LAMP3: variants seen among roughly 807,000 people sequenced by gnomAD.
LAMP3 encodes lysosome-associated membrane glycoprotein 3.
In LAMP3, 26 loss-of-function variants were observed where a neutral mutation model predicts 34.8. That is an observed-to-expected ratio of 0.75 (90% confidence interval 0.55 to 1.04). The LOEUF (loss-of-function observed/expected upper bound fraction) is 1.04, where lower values mean the gene tolerates loss of function less well. Ranked by LOEUF, LAMP3 falls within the 50% of genes least tolerant of loss-of-function variation. The pLI is 0.00. For synonymous variants in LAMP3, 180 were observed against 201.9 expected (o/e 0.89, Z 0.92); for missense variants, 495 against 524.0 (o/e 0.94, Z 0.54).
At chr3:183,131,190 G>A (rs1209034106) in intron 5 of LAMP3, among the ~76,000 whole-genome samples, 1 of 152,288 alleles carries the variant, frequency 6.6e-6, no homozygotes, top group Admixed American at 6.5e-5. Flanking sequence ...AAGGTAGGGA[G>A]GAAAATTAAA....
Position 183,153,922 on chromosome 3 carries a change from C to G in LAMP3, c.519G>C (p.Ser173=), listed in dbSNP as rs763641775. ...CGGTTGTGCTTTTGTGCAGTGCTAT[C>G]GATAAAGTTGCTGGAAGGGTGGTCT... ...SNQTTLPATL[S]IALHKSTTGQ... Residue 173 remains serine, a synonymous_variant, in exon 2 of 6, where the codon TCG becomes TCC. Coordinates refer to ENST00000265598, the MANE Select transcript of LAMP3 (RefSeq NM_014398.4). 6 of 1,614,092 alleles carry G rather than the reference C, an allele frequency of 3.7e-6. No individual in the cohort carries two copies. The highest frequency in any genetic ancestry group is 3.3e-5 in the Admixed American group (2 of 60,016).
chr3:183,149,558 AAAAAAAAAAAAAAAAAATATAT>A (rs1479648735), intron 3 of LAMP3, among the ~76,000 whole-genome samples: 1 of 25,762 alleles, frequency 3.9e-5, no homozygotes, highest in East Asian at 1.1e-3. Flanking sequence ...AAAAAAAAAA[AAAAAAAAAAAAAAAAAATATAT>A]ATATATATAT....
At chr3:183,150,385 C>T (rs970301861) in intron 3 of LAMP3, among the ~76,000 whole-genome samples, 12 of 152,114 alleles carry the variant, frequency 7.9e-5, no homozygotes, top group African/African-American at 2.2e-4. Context: ...GTTTGCAGGT[C>T]TGCCTAAGGC....
At chr3:183,135,668 C>A in intron 5 of LAMP3, 49 bp downstream of exon 5, 1 of 1,547,552 alleles carries the variant, frequency 6.5e-7, no homozygotes, top group South Asian at 1.1e-5. Flanking sequence ...TGGATCTACC[C>A]TGGGGTCTCT....
intron 5 of LAMP3, among the ~76,000 whole-genome samples, chr3:183,129,519 C>T (rs1371998505): frequency 1.3e-5 from 2 of 152,048 alleles, no homozygotes; most frequent in Non-Finnish European, 2.9e-5. Context: ...GTCATTCTCT[C>T]TATGAAAATA....
chr3:183,157,233 CT>C (rs774186734), intron 1 of LAMP3, among the ~76,000 whole-genome samples: 2 of 151,874 alleles, frequency 1.3e-5, no homozygotes, highest in African/African-American at 4.8e-5. Context: ...CTTTAAGGGT[CT>C]TTTTTTTAAA....
At chr3:183,149,903 A>G (rs1405877270) in intron 3 of LAMP3, among the ~76,000 whole-genome samples, 1 of 152,162 alleles carries the variant, frequency 6.6e-6, no homozygotes, top group Non-Finnish European at 1.5e-5. Flanking sequence ...AAATTTAATA[A>G]AAAGTAAATG....
chr3:183,124,631 G>A (rs1373265025), intron 5 of LAMP3, among the ~76,000 whole-genome samples: 2 of 152,144 alleles, frequency 1.3e-5, no homozygotes, highest in Non-Finnish European at 2.9e-5. Flanking sequence ...TCGTGAGTTT[G>A]AGACCAGCCT....
chr3:183,146,521 A>AT (rs1449549024), intron 3 of LAMP3, among the ~76,000 whole-genome samples: 74 of 144,374 alleles, frequency 5.1e-4, no homozygotes, highest in African/African-American at 1.8e-3. Flanking sequence ...ATGGTGCTCA[A>AT]ATTTTTTTTT....
chr3:183,152,986 C>T (rs933111731), intron 2 of LAMP3, among the ~76,000 whole-genome samples: 2 of 151,878 alleles, frequency 1.3e-5, no homozygotes, highest in Non-Finnish European at 2.9e-5. Context: ...ACCAGCCTGG[C>T]CAACTTAGTG....
At chr3:183,146,933 C>T (rs972934205) in intron 3 of LAMP3, among the ~76,000 whole-genome samples, 3 of 151,918 alleles carry the variant, frequency 2.0e-5, no homozygotes, top group African/African-American at 4.8e-5. Flanking sequence ...CAATACCACC[C>T]TCTCCTTACC....
At chr3:183,144,843 C>G (rs1195136949) in intron 3 of LAMP3, among the ~76,000 whole-genome samples, 1 of 152,176 alleles carries the variant, frequency 6.6e-6, no homozygotes, top group East Asian at 1.9e-4. Flanking sequence ...GAGGCTGAGG[C>G]TGCAGTGAGC....
At chr3:183,131,998 T>C (rs1719938718) in intron 5 of LAMP3, 1 of 985,284 alleles carries the variant, frequency 1.0e-6, no homozygotes, top group Admixed American at 6.2e-5. Context: ...CTCTTCCTGC[T>C]TGCCATTCCA....
chr3:183,136,057 C>A (rs748957845), intron 4 of LAMP3, among the ~76,000 whole-genome samples, 170 bp from the exon 5 acceptor site: 1 of 152,132 alleles, frequency 6.6e-6, no homozygotes, highest in Non-Finnish European at 1.5e-5. Context: ...GGTTTGGAGA[C>A]TTTTTCAGCT....
At chr3:183,141,674 G>A (rs1720288510) in intron 3 of LAMP3, among the ~76,000 whole-genome samples, 1 of 152,130 alleles carries the variant, frequency 6.6e-6, no homozygotes, top group Non-Finnish European at 1.5e-5. Context: ...TACAATCAAA[G>A]GGTTCCATAA....
chr3:183,124,319 G>A (rs1031023689), intron 5 of LAMP3, 105 bp from the exon 6 acceptor site: 1 of 987,646 alleles, frequency 1.0e-6, no homozygotes, highest in Non-Finnish European at 1.4e-6. Context: ...AACAAAGCTT[G>A]ACTTTTAACT....
At chr3:183,132,136 A>G (rs1449829462) in intron 5 of LAMP3, 1 of 985,238 alleles carries the variant, frequency 1.0e-6, no homozygotes, top group Non-Finnish European at 1.2e-6. Flanking sequence ...CAGACAACAC[A>G]TGAAATTGAA....
intron 5 of LAMP3, 135 bp from the exon 6 acceptor site, chr3:183,124,349 T>A: frequency 1.4e-6 from 1 of 711,198 alleles, no homozygotes; most frequent in East Asian, 3.2e-5. Context: ...ACTAGCTTTG[T>A]GACCTTGGGC....
chr3:183,142,013 C>T (rs963008689), intron 3 of LAMP3, among the ~76,000 whole-genome samples: 3 of 152,156 alleles, frequency 2.0e-5, no homozygotes, highest in African/African-American at 7.2e-5. Context: ...TGGTTGCCTC[C>T]GTCAAGGTGC....
Sources: allele counts gnomAD v4.1 joint callset (sites outside exome capture counted in the v4.1 genomes callset), GRCh38; gene constraint gnomAD v4.1.1; transcripts MANE v1.5; gene names NCBI Gene and HGNC (gene_info 2026-07-23, HGNC 2026-07-21).